Variants in RHOH observed in about 807,000 individuals in gnomAD.
RHOH encodes the protein ras homolog family member H.
A neutral mutation model predicts 13.8 loss-of-function variants in RHOH; 6 were observed. The ratio of observed to expected loss-of-function variants is 0.44; its 90% CI spans 0.24 to 0.86. The LOEUF (loss-of-function observed/expected upper bound fraction) is 0.86, where lower values mean the gene tolerates loss of function less well. Among genes scored for constraint, RHOH ranks in the 40% least tolerant of loss-of-function variants. RHOH has a pLI of 0.24. For missense variants in RHOH, 147 were observed against 244.5 expected, an observed-to-expected ratio of 0.60 and a Z score of 2.66; for synonymous variants, 117 against 103.0, an observed-to-expected ratio of 1.14 and a Z score of -0.82.
rs972932122 is a variant in RHOH, at chr4:40,215,670, T to C, written c.-331+18370T>C. Among the ~76,000 whole-genome samples, 6 of 152,364 alleles carry C rather than the reference T, an allele frequency of 3.9e-5. No homozygotes were observed. In the East Asian group the frequency reaches 1.2e-3, roughly 29 times the overall value. On this transcript the variant is annotated intron_variant, in intron 1 of 2. Coordinates refer to ENST00000381799, the MANE Select transcript of RHOH (RefSeq NM_004310.5). The stretch of plus-strand genomic sequence containing the variant: ...GAAGTGGGACGCAGTGGCTCACGCC[T>C]GTAATCCCAGCACTTTGGGAGGCCA...
At chr4:40,194,288 G>A, upstream of RHOH, among the ~76,000 whole-genome samples, 1 of 151,924 alleles carries the variant, frequency 6.6e-6, no homozygotes, top group Admixed American at 6.6e-5. Flanking sequence ...GAGTGCAGTG[G>A]TATGATCTTG....
chr4:40,217,098 A>C (rs139703624), intron 1 of RHOH, among the ~76,000 whole-genome samples: 44 of 152,298 alleles, frequency 2.9e-4, no homozygotes, highest in African/African-American at 9.1e-4. Context: ...TGTGAAAGAG[A>C]CCTGCTCTGA....
At chr4:40,196,582 G>C (rs1027012568), upstream of RHOH, among the ~76,000 whole-genome samples, 1 of 151,970 alleles carries the variant, frequency 6.6e-6, no homozygotes, top group Admixed American at 6.6e-5. Context: ...TTTTAATGCA[G>C]CAAAGCGAAG....
intron 1 of RHOH, among the ~76,000 whole-genome samples, chr4:40,217,794 G>C (rs1291169225): frequency 6.6e-6 from 1 of 152,170 alleles, no homozygotes; most frequent in African/African-American, 2.4e-5. Flanking sequence ...TTTTCTGAAA[G>C]TCCCTGCTGC....
intron 1 of RHOH, among the ~76,000 whole-genome samples, chr4:40,208,905 A>G (rs1724950131): frequency 1.3e-5 from 2 of 152,058 alleles, no homozygotes; most frequent in South Asian, 4.1e-4. Context: ...AGGCCTATAT[A>G]TGTATTCTTA....
rs1727852796 is a variant in RHOH at position 40,230,902 on chromosome 4, G to A, written c.-330-11812G>A. The stretch of plus-strand genomic sequence containing the variant: ...GAAAAATTTTCAGAGTCACTGATAG[G>A]GATTCACAGAAATTTTCTGTAGCTT... On this transcript the variant is annotated intron_variant, in intron 1 of 2. Coordinates refer to ENST00000381799, the MANE Select transcript of RHOH (RefSeq NM_004310.5). 2.6e-5 allele frequency among the ~76,000 whole-genome samples: 4 copies of A among 152,164 alleles called. No homozygotes were observed. The South Asian group carries it at 8.3e-4, about 32-fold the overall frequency.
intron 1 of RHOH, among the ~76,000 whole-genome samples, chr4:40,225,565 A>T (rs1325324921): frequency 1.3e-5 from 2 of 152,178 alleles, no homozygotes; most frequent in African/African-American, 4.8e-5. Context: ...TACACGAAGG[A>T]CGCCGCTGGA....
At chr4:40,198,864 G>A (rs1723582828) in intron 1 of RHOH, among the ~76,000 whole-genome samples, 1 of 152,164 alleles carries the variant, frequency 6.6e-6, no homozygotes, top group South Asian at 2.1e-4. Flanking sequence ...AGATGGCACG[G>A]GTATGCTTCT....
intron 1 of RHOH, among the ~76,000 whole-genome samples, chr4:40,198,230 G>GCGAAGTGT (rs1033570508): frequency 2.0e-5 from 3 of 152,334 alleles, no homozygotes; most frequent in African/African-American, 7.2e-5. Flanking sequence ...TTGGAAGAAT[G>GCGAAGTGT]CGAAGTGTCG....
intron 1 of RHOH, among the ~76,000 whole-genome samples, chr4:40,213,536 A>C (rs549224693): frequency 6.6e-6 from 1 of 152,178 alleles, no homozygotes; most frequent in East Asian, 1.9e-4. Context: ...CTCTAAAAAA[A>C]ATCCTTGTTA....
In RHOH at chr4:40,202,767, A is replaced by G. The variant is rs574863450; in HGVS notation, c.-331+5467A>G. 8.9e-4 allele frequency among the ~76,000 whole-genome samples: 136 copies of G among 152,272 alleles called. 1 individual carries two copies. In the Middle Eastern group the frequency reaches 0.014, roughly 15 times the overall value. ...AAGGACTGAGAAATAGCCCAGAGAA[A>G]AACTACCATCAAAGGCCAGAGAGAC... On this transcript the variant is annotated intron_variant, in intron 1 of 2. Coordinates refer to ENST00000381799, the MANE Select transcript of RHOH (RefSeq NM_004310.5).
upstream of RHOH, among the ~76,000 whole-genome samples, chr4:40,194,245 T>C (rs1722902337): frequency 6.9e-6 from 1 of 145,624 alleles, no homozygotes; most frequent in Non-Finnish European, 1.5e-5. Flanking sequence ...TTATTATTTT[T>C]TAGGCTGACG....
At chr4:40,242,608 C>T (rs1227979735) in intron 1 of RHOH, 106 bp from the exon 2 acceptor site, 4 of 152,158 alleles carry the variant, frequency 2.6e-5, no homozygotes, top group Non-Finnish European at 4.4e-5. Context: ...TTTCTTTTCC[C>T]CTATTACAAC....
chr4:40,236,431 G>C (rs766335257), intron 1 of RHOH, among the ~76,000 whole-genome samples: 4 of 152,136 alleles, frequency 2.6e-5, no homozygotes, highest in Non-Finnish European at 4.4e-5. Flanking sequence ...GTCACAAAAT[G>C]ACCCATTGAC....
chr4:40,222,231 G>T (rs1726672573), intron 1 of RHOH, among the ~76,000 whole-genome samples: 1 of 152,208 alleles, frequency 6.6e-6, no homozygotes, highest in Non-Finnish European at 1.5e-5. Context: ...TCTAGCTAAG[G>T]TCATTGATGA....
intron 1 of RHOH, among the ~76,000 whole-genome samples, chr4:40,230,836 T>A (rs1420755199): frequency 6.6e-6 from 1 of 152,062 alleles, no homozygotes; most frequent in Admixed American, 6.6e-5. Context: ...TTGGAGTTAG[T>A]GCTTCTAGGA....
chr4:40,199,373 G>A (rs933144626), intron 1 of RHOH, among the ~76,000 whole-genome samples: 5 of 152,310 alleles, frequency 3.3e-5, no homozygotes, highest in African/African-American at 1.2e-4. Flanking sequence ...TCCTTTCCAG[G>A]GAAAGTAGGG....
chr4:40,199,656 G>T (rs779681207), intron 1 of RHOH, among the ~76,000 whole-genome samples: 2 of 152,174 alleles, frequency 1.3e-5, no homozygotes, highest in Non-Finnish European at 2.9e-5. Context: ...GAGGCAGAGA[G>T]CATGACCTTT....
At chr4:40,202,337 A>T (rs1724119584) in intron 1 of RHOH, among the ~76,000 whole-genome samples, 2 of 152,366 alleles carry the variant, frequency 1.3e-5, no homozygotes, top group African/African-American at 4.8e-5. Flanking sequence ...AGAATTAAAA[A>T]TTTTAATTAC....
Sources: allele counts gnomAD v4.1 joint callset (sites outside exome capture counted in the v4.1 genomes callset), GRCh38; gene constraint gnomAD v4.1.1; transcripts MANE v1.5; gene names NCBI Gene and HGNC (gene_info 2026-07-23, HGNC 2026-07-21).